Variants in MTFR1 observed in about 807,000 individuals in gnomAD.
MTFR1 encodes the protein chondrocyte protein with a poly-proline region.
Under a neutral mutation model 38.8 loss-of-function variants are expected in MTFR1, and 28 were observed. The observed-to-expected ratio is 0.72, with a 90% CI of 0.53 to 0.99. MTFR1 has a LOEUF of 0.99. MTFR1 is among the 50% of genes least tolerant of loss of function. The pLI, the probability that MTFR1 is intolerant of heterozygous loss-of-function variation, is 0.00. For synonymous variants in MTFR1, 145 were observed against 137.0 expected (o/e 1.06, Z -0.41); for missense variants, 358 against 395.5 (o/e 0.91, Z 0.81).
chr8:65,740,048 C>T (rs1807338336), intron 3 of MTFR1, among the ~76,000 whole-genome samples: 2 of 151,864 alleles, frequency 1.3e-5, no homozygotes. Flanking sequence ...GAGAATGTGT[C>T]TATTCTCATC....
chr8:65,775,744 C>T (rs1809242071), downstream of MTFR1, among the ~76,000 whole-genome samples: 1 of 152,208 alleles, frequency 6.6e-6, no homozygotes, highest in African/African-American at 2.4e-5. Context: ...TCTCCTGCCT[C>T]AGCCTCCTGA....
chr8:65,735,051 A>C (rs1365176705), intron 3 of MTFR1, among the ~76,000 whole-genome samples: 1 of 152,184 alleles, frequency 6.6e-6, no homozygotes, highest in Non-Finnish European at 1.5e-5. Context: ...CACAACTCAC[A>C]TGTATACCAA....
At chr8:65,704,650 C>T in intron 4 of MTFR1, 44 bp from the exon 5 acceptor site, 1 of 1,537,026 alleles carries the variant, frequency 6.5e-7, no homozygotes, top group Non-Finnish European at 9.0e-7. Flanking sequence ...GTTTCACGTT[C>T]TCTTACAAAG....
chr8:65,740,579 T>A (rs990327040), intron 3 of MTFR1, among the ~76,000 whole-genome samples: 1 of 152,120 alleles, frequency 6.6e-6, no homozygotes, highest in African/African-American at 2.4e-5. Context: ...TTTTTGTATT[T>A]TTAGTAGAGA....
chr8:65,666,260 A>AACCAG, intron 1 of MTFR1, among the ~76,000 whole-genome samples: 1 of 151,860 alleles, frequency 6.6e-6, no homozygotes, highest in African/African-American at 2.4e-5. Context: ...TACAATAATT[A>AACCAG]GCTGGGTGTG....
chr8:65,718,399 G>T (rs1241384584), intron 2 of MTFR1: 1 of 152,180 alleles, frequency 6.6e-6, no homozygotes, highest in Non-Finnish European at 1.5e-5. Flanking sequence ...TTTTATTTCA[G>T]ATTGGCAAAT....
At chr8:65,723,726 T>C in intron 3 of MTFR1, 1 of 771,604 alleles carries the variant, frequency 1.3e-6, no homozygotes, top group Non-Finnish European at 1.9e-6. Flanking sequence ...AAAACATACT[T>C]AATCCTCATG....
chr8:65,690,549 A>G (rs1285254702), intron 3 of MTFR1, among the ~76,000 whole-genome samples: 1 of 150,934 alleles, frequency 6.6e-6, no homozygotes, highest in African/African-American at 2.4e-5. Flanking sequence ...AAAAAAGAAA[A>G]GTAGTACTTT....
chr8:65,650,802 C>T (rs1563430739), intron 1 of MTFR1, among the ~76,000 whole-genome samples: 1 of 152,154 alleles, frequency 6.6e-6, no homozygotes, highest in Non-Finnish European at 1.5e-5. Context: ...GATTTCCTTT[C>T]TTTTGGGTCT....
chr8:65,715,351 CAA>C (rs1806089391), downstream of MTFR1, among the ~76,000 whole-genome samples: 1 of 149,888 alleles, frequency 6.7e-6, no homozygotes, highest in Non-Finnish European at 1.5e-5. Context: ...GCCAAGCCAA[CAA>C]AGAGAGACCC....
At chr8:65,673,837 C>T (rs1051749829) in intron 2 of MTFR1, among the ~76,000 whole-genome samples, 17 of 152,038 alleles carry the variant, frequency 1.1e-4, no homozygotes, top group Admixed American at 5.2e-4. Context: ...ACCCAGGAGG[C>T]GGAGTTTGCA....
chr8:65,660,065 G>C (rs984676031), intron 1 of MTFR1, among the ~76,000 whole-genome samples: 2 of 152,112 alleles, frequency 1.3e-5, no homozygotes, highest in African/African-American at 4.8e-5. Flanking sequence ...TGAGGCTGGT[G>C]GATCACCTGA....
chr8:65,730,316 T>G (rs764559144), intron 3 of MTFR1, among the ~76,000 whole-genome samples: 32 of 150,384 alleles, frequency 2.1e-4, no homozygotes, highest in South Asian at 4.2e-4. Context: ...AAGTAGCTGG[T>G]ATTACAGGCA....
chr8:65,673,311 T>C (rs2175809), intron 2 of MTFR1, among the ~76,000 whole-genome samples: 18,893 of 151,910 alleles, frequency 0.12, 2,082 homozygotes, highest in East Asian at 0.53. Context: ...TACATGTGCT[T>C]GGTTCATGGC....
chr8:65,693,839 A>G, intron 4 of MTFR1, 80 bp downstream of exon 4: 1 of 1,044,444 alleles, frequency 9.6e-7, no homozygotes, highest in Non-Finnish European at 1.5e-6. Context: ...ACTTATTTTT[A>G]ATAGCCTAAT....
At chr8:65,691,711 G>A (rs765928985) in intron 3 of MTFR1, among the ~76,000 whole-genome samples, 1 of 151,904 alleles carries the variant, frequency 6.6e-6, no homozygotes, top group African/African-American at 2.4e-5. Context: ...TTGCAGTAGC[G>A]CAATCTCAGC....
chr8:65,758,476 T>A (rs966277037), intron 3 of MTFR1, among the ~76,000 whole-genome samples: 1 of 152,142 alleles, frequency 6.6e-6, no homozygotes, highest in African/African-American at 2.4e-5. Context: ...CATATCAGCA[T>A]CCTCCACAAC....
chr8:65,735,994 C>G (rs1422768065), intron 3 of MTFR1, among the ~76,000 whole-genome samples: 1 of 152,080 alleles, frequency 6.6e-6, no homozygotes. Flanking sequence ...TGTTCCAAGA[C>G]CCCCAGTGGA....
At chr8:65,687,507 G>A (rs558068106) in intron 3 of MTFR1, among the ~76,000 whole-genome samples, 3 of 151,844 alleles carry the variant, frequency 2.0e-5, no homozygotes, top group South Asian at 2.1e-4. Context: ...CACCACGCCC[G>A]GCTAATTTTT....
Sources: gnomAD v4.1 joint callset for allele counts (sites outside exome capture counted in the v4.1 genomes callset) on GRCh38, gnomAD v4.1.1 for gene constraint, MANE v1.5 for transcripts, NCBI Gene and HGNC (gene_info 2026-07-23, HGNC 2026-07-21) for gene names.